PPFIA2: variants seen among roughly 807,000 people sequenced by gnomAD.
PPFIA2 encodes liprin-alpha-2.
Under a neutral mutation model 175.5 loss-of-function variants are expected in PPFIA2, and 46 were observed. The observed-to-expected ratio is 0.26, with a 90% confidence interval of 0.21 to 0.34. The LOEUF (loss-of-function observed/expected upper bound fraction) is 0.34. Among genes scored for constraint, PPFIA2 ranks in the 10% least tolerant of loss-of-function variants. The pLI is 1.00. For missense variants in PPFIA2, 1,179 were observed against 1,506.1 expected, an observed-to-expected ratio of 0.78 and a Z score of 3.60; for synonymous variants, 568 against 511.4, an observed-to-expected ratio of 1.11 and a Z score of -1.49.
At chr12:81,613,351 A>G (rs969605132) in intron 4 of PPFIA2, among the ~76,000 whole-genome samples, 1 of 152,112 alleles carries the variant, frequency 6.6e-6, no homozygotes, top group African/African-American at 2.4e-5. Flanking sequence ...AGAACCACAT[A>G]CAGATTATTA....
At position 81,368,755 on chromosome 12, in the gene PPFIA2, T is replaced by C. The variant is rs145225462; in HGVS notation, c.1452A>G (p.Leu484=). 1.3e-4 allele frequency: 216 copies of C among 1,609,928 alleles called. 1 individual carries two copies. The East Asian group carries it at 4.6e-3, about 34-fold the overall frequency. Reference sequence around the variant, plus strand: ...CTTCTAGAGCAGCCATTCTTTCCTTTAAGTGTAGTTGTAGGCGTTCATTGG... The same window carrying C: ...CTTCTAGAGCAGCCATTCTTTCCTTCAAGTGTAGTTGTAGGCGTTCATTGG... ...TESNERLQLH[L]KERMAALEEK... The change falls in exon 13 of 33, where the codon TTA becomes TTG. Residue 484 remains leucine (L), a synonymous_variant. Coordinates refer to ENST00000549396, the MANE Select transcript of PPFIA2 (RefSeq NM_003625.5).
intron 22 of PPFIA2, among the ~76,000 whole-genome samples, chr12:81,318,759 T>C (rs1185600550): frequency 6.6e-6 from 1 of 151,638 alleles, no homozygotes; most frequent in Admixed American, 6.6e-5. Flanking sequence ...TGCCTTTGAG[T>C]TTTCGGCACT....
intron 17 of PPFIA2, 107 bp downstream of exon 17, chr12:81,353,012 T>A: frequency 1.1e-6 from 1 of 934,430 alleles, no homozygotes; most frequent in East Asian, 2.5e-5. Flanking sequence ...TCTGCAGATC[T>A]ATTAAGCTCC....
At chr12:81,748,231 C>T (rs1029498944) in intron 3 of PPFIA2, among the ~76,000 whole-genome samples, 2 of 144,492 alleles carry the variant, frequency 1.4e-5, no homozygotes, top group African/African-American at 4.9e-5. Context: ...AATCTCCATA[C>T]TTCACCAGAA....
intron 16 of PPFIA2, among the ~76,000 whole-genome samples, chr12:81,355,473 T>C (rs1467440046): frequency 1.3e-5 from 2 of 152,184 alleles, no homozygotes; most frequent in Non-Finnish European, 2.9e-5. Context: ...TTCACCCCTG[T>C]CCTCTGAGTC....
At chr12:81,410,831 G>A (rs2043819586) in intron 7 of PPFIA2, among the ~76,000 whole-genome samples, 2 of 152,056 alleles carry the variant, frequency 1.3e-5, no homozygotes, top group African/African-American at 4.8e-5. Context: ...AGGAAGGTAA[G>A]CTGGTAGAAT....
At position 81,353,229 on chromosome 12, in the gene PPFIA2, T is replaced by C; in HGVS notation, c.1884A>G (p.Arg628=). 1 of 1,613,842 alleles carries C rather than the reference T, an allele frequency of 6.2e-7. No individual in the cohort carries two copies. The highest frequency in any genetic ancestry group is 8.5e-7 in the Non-Finnish European group (1 of 1,179,798). The part of the protein sequence containing the change: ...TEMSDIDDDD[R]ETIFSSMDLL... Reference sequence around the variant, plus strand: ...GATCCATTGAGCTAAAAATTGTTTCTCTGTCATCATCATCAATATCAGACA... The same window carrying C: ...GATCCATTGAGCTAAAAATTGTTTCCCTGTCATCATCATCAATATCAGACA... Residue 628 remains arginine (R), a synonymous_variant, in exon 17 of 33, where the codon AGA becomes AGG. Transcript: ENST00000549396.
rs1362960233 is a variant in PPFIA2 at position 81,445,540 on chromosome 12, T to G, written c.570+16A>C. The G allele has an allele frequency of 6.2e-7, 1 of 1,604,620 alleles. No individual in the cohort carries two copies. The highest frequency in any genetic ancestry group is 1.3e-5 in the African/African-American group (1 of 74,604). ...CAGAAGTGTAGTTAAGCTTGAACTC[T>G]TTTTCCATACTATACCTTTTCATCC... On this transcript the variant is annotated intron_variant, in intron 6 of 32. Transcript: ENST00000549396.
intron 3 of PPFIA2, among the ~76,000 whole-genome samples, chr12:81,718,561 C>A (rs2078937785): frequency 6.6e-6 from 1 of 151,438 alleles, no homozygotes; most frequent in Non-Finnish European, 1.5e-5. Flanking sequence ...CTTGTAGAAC[C>A]CAGACGGGCT....
intron 26 of PPFIA2, among the ~76,000 whole-genome samples, chr12:81,282,465 A>C (rs1362976607): frequency 1.3e-5 from 2 of 152,096 alleles, no homozygotes; most frequent in Non-Finnish European, 2.9e-5. Context: ...GGTCATCCAA[A>C]ATGTGGAAAT....
intron 3 of PPFIA2, among the ~76,000 whole-genome samples, chr12:81,685,119 G>A (rs1253924211): frequency 6.6e-6 from 1 of 152,020 alleles, no homozygotes; most frequent in Non-Finnish European, 1.5e-5. Context: ...TCACAGCACT[G>A]GGAATAAGTA....
At chr12:81,423,210 C>T (rs7132211) in intron 7 of PPFIA2, among the ~76,000 whole-genome samples, 54,338 of 151,902 alleles carry the variant, frequency 0.36, 10,594 homozygotes, top group East Asian at 0.53. Flanking sequence ...TTGATACCAA[C>T]TCATCTTAAG....
intron 22 of PPFIA2, among the ~76,000 whole-genome samples, chr12:81,317,741 T>C (rs1438158712): frequency 6.6e-6 from 1 of 151,716 alleles, no homozygotes; most frequent in Non-Finnish European, 1.5e-5. Flanking sequence ...ATTTGAGAAA[T>C]GTATTTTAAA....
chr12:81,548,258 T>C (rs940038604), intron 4 of PPFIA2, among the ~76,000 whole-genome samples: 2 of 152,142 alleles, frequency 1.3e-5, no homozygotes, highest in African/African-American at 2.4e-5. Context: ...AGCAGCAACA[T>C]TGGAATTTAC....
intron 4 of PPFIA2, chr12:81,506,249 T>C (rs1438921206): frequency 6.6e-6 from 1 of 152,204 alleles, no homozygotes; most frequent in Non-Finnish European, 1.5e-5. Context: ...ATCATTCCAT[T>C]AGAATACTTC....
chr12:81,374,279 G>T (rs570007122), intron 11 of PPFIA2, among the ~76,000 whole-genome samples: 4 of 152,100 alleles, frequency 2.6e-5, no homozygotes, highest in African/African-American at 9.6e-5. Context: ...ACTTCTAATA[G>T]CAATTGATGT....
chr12:81,673,104 A>G (rs1471367554), intron 4 of PPFIA2, among the ~76,000 whole-genome samples: 7 of 151,996 alleles, frequency 4.6e-5, no homozygotes, highest in Non-Finnish European at 7.4e-5. Context: ...CACCTAGTCC[A>G]CAGTCTACAG....
chr12:81,621,745 G>A (rs144688905), intron 4 of PPFIA2, among the ~76,000 whole-genome samples: 3 of 152,154 alleles, frequency 2.0e-5, no homozygotes, highest in African/African-American at 2.4e-5. Context: ...CAGCTGAGAT[G>A]GAGAAAACTA....
chr12:81,306,290 A>G (rs190242442), intron 22 of PPFIA2, among the ~76,000 whole-genome samples: 4 of 152,040 alleles, frequency 2.6e-5, no homozygotes, highest in Non-Finnish European at 4.4e-5. Context: ...CCCAAAATCA[A>G]ATTGCTTGAG....
Sources: gnomAD v4.1 joint callset for allele counts (sites outside exome capture counted in the v4.1 genomes callset) on GRCh38, gnomAD v4.1.1 for gene constraint, MANE v1.5 for transcripts, NCBI Gene and HGNC (gene_info 2026-07-23, HGNC 2026-07-21) for gene names.